The following TMEM132D variants were observed in gnomAD, a reference collection of about 807,000 sequenced individuals.
TMEM132D encodes the protein transmembrane protein 132D.
In TMEM132D, 21 loss-of-function variants were observed where a neutral mutation model predicts 62.3. The ratio of observed to expected loss-of-function variants is 0.34; its 90% CI spans 0.24 to 0.49. The LOEUF is 0.49. Ranked by LOEUF, TMEM132D falls within the 20% of genes least tolerant of loss-of-function variation. The probability of loss-of-function intolerance (pLI) is 0.99; values close to 1 mark genes in which losing one functional copy is unlikely to be tolerated. For missense variants in TMEM132D, 1,346 were observed against 1,402.8 expected, an observed-to-expected ratio of 0.96 and a Z score of 0.65; for synonymous variants, 621 against 575.6, an observed-to-expected ratio of 1.08 and a Z score of -1.13.
At chr12:129,454,979 G>A (rs1050899901) in intron 3 of TMEM132D, among the ~76,000 whole-genome samples, 12 of 152,142 alleles carry the variant, frequency 7.9e-5, no homozygotes, top group African/African-American at 2.9e-4. Context: ...GCTTAAAAAG[G>A]GTCCAAATCA....
At chr12:129,771,249 C>T (rs368180659) in intron 1 of TMEM132D, among the ~76,000 whole-genome samples, 1 of 152,212 alleles carries the variant, frequency 6.6e-6, no homozygotes, top group East Asian at 1.9e-4. Context: ...GGCAGTGGTT[C>T]CATTCCTGGC....
chr12:129,644,814 TA>T (rs1383352813), intron 2 of TMEM132D, among the ~76,000 whole-genome samples: 3 of 117,022 alleles, frequency 2.6e-5, no homozygotes, highest in African/African-American at 9.4e-5. Context: ...CCATCTCTAC[TA>T]AAAATACAAA....
intron 2 of TMEM132D, among the ~76,000 whole-genome samples, chr12:129,548,604 C>T (rs113471979): frequency 2.6e-5 from 4 of 152,286 alleles, no homozygotes; most frequent in African/African-American, 9.6e-5. Flanking sequence ...TGCTGTAGAA[C>T]CAGCTATCCA....
intron 3 of TMEM132D, among the ~76,000 whole-genome samples, chr12:129,449,806 C>G (rs189980911): frequency 1.8e-4 from 27 of 152,284 alleles, no homozygotes; most frequent in African/African-American, 6.0e-4. Context: ...ACAGCAACCC[C>G]GACTCCCCAG....
chr12:129,266,592 T>C (rs913142591), intron 4 of TMEM132D, among the ~76,000 whole-genome samples: 23 of 146,082 alleles, frequency 1.6e-4, no homozygotes, highest in Non-Finnish European at 3.0e-4. Context: ...TTCCCCTTTT[T>C]CCCCTCCCCT....
At chr12:129,361,377 G>C (rs1454488636) in intron 3 of TMEM132D, among the ~76,000 whole-genome samples, 1 of 152,166 alleles carries the variant, frequency 6.6e-6, no homozygotes, top group African/African-American at 2.4e-5. Context: ...ATTTGCAAGG[G>C]AGCAGACACC....
At chr12:129,162,761 T>C (rs1436433026) in intron 5 of TMEM132D, among the ~76,000 whole-genome samples, 1 of 152,222 alleles carries the variant, frequency 6.6e-6, no homozygotes, top group South Asian at 2.1e-4. Flanking sequence ...TGAGGCCTTC[T>C]TAGAAGCAGA....
chr12:129,323,793 T>A (rs1868801697), intron 4 of TMEM132D, among the ~76,000 whole-genome samples: 1 of 152,206 alleles, frequency 6.6e-6, no homozygotes. Flanking sequence ...GCAGGAGTCA[T>A]CTCTTCCCTG....
At chr12:129,215,200 A>G (rs1879167467) in intron 4 of TMEM132D, among the ~76,000 whole-genome samples, 1 of 152,218 alleles carries the variant, frequency 6.6e-6, no homozygotes, top group Non-Finnish European at 1.5e-5. Flanking sequence ...TTGGCAAACT[A>G]ACACAGAAAC....
chr12:129,841,245 G>A (rs904044736), intron 1 of TMEM132D, among the ~76,000 whole-genome samples: 1 of 151,636 alleles, frequency 6.6e-6, no homozygotes, highest in Non-Finnish European at 1.5e-5. Flanking sequence ...CCCTTGGAGA[G>A]CATCAAATCT....
chr12:129,836,643 A>G (rs969836874), intron 1 of TMEM132D, among the ~76,000 whole-genome samples: 3 of 152,156 alleles, frequency 2.0e-5, no homozygotes, highest in Non-Finnish European at 4.4e-5. Flanking sequence ...TTCTATAACA[A>G]CATAATGGCA....
intron 1 of TMEM132D, among the ~76,000 whole-genome samples, chr12:129,792,337 C>T (rs1457708167): frequency 1.3e-5 from 2 of 152,154 alleles, no homozygotes; most frequent in Admixed American, 6.5e-5. Flanking sequence ...TTCATCTCTA[C>T]GGGCCTTAGC....
chr12:129,352,767 G>C (rs961079927), intron 3 of TMEM132D, among the ~76,000 whole-genome samples: 1 of 152,144 alleles, frequency 6.6e-6, no homozygotes, highest in Non-Finnish European at 1.5e-5. Flanking sequence ...AACAATAGAT[G>C]TTGGCGAGGC....
intron 2 of TMEM132D, 112 bp from the exon 3 acceptor site, chr12:129,531,317 C>G: frequency 7.8e-7 from 1 of 1,277,756 alleles, no homozygotes; most frequent in South Asian, 1.9e-5. Flanking sequence ...CAGGTGTAAG[C>G]TCATGTATAC....
chr12:129,784,902 A>G (rs1000268592), intron 1 of TMEM132D, among the ~76,000 whole-genome samples: 1 of 152,178 alleles, frequency 6.6e-6, no homozygotes, highest in Admixed American at 6.5e-5. Context: ...GGGATGGACC[A>G]CAGCTTTCTG....
chr12:129,213,189 G>T (rs577544911), intron 4 of TMEM132D, among the ~76,000 whole-genome samples: 3 of 152,270 alleles, frequency 2.0e-5, no homozygotes, highest in Middle Eastern at 3.4e-3. Flanking sequence ...TAGTTCATTT[G>T]TATTGCTATA....
intron 5 of TMEM132D, among the ~76,000 whole-genome samples, chr12:129,153,099 G>A (rs1204077635): frequency 6.6e-6 from 1 of 152,016 alleles, no homozygotes; most frequent in Non-Finnish European, 1.5e-5. Context: ...TCCCCTCTTT[G>A]TCCTTCCAGC....
At position 129,531,144 on chromosome 12, in the gene TMEM132D, C is replaced by A. The variant is rs777663702; in HGVS notation, c.1030G>T (p.Asp344Tyr). 6.2e-7 allele frequency: 1 copy of A among 1,613,992 alleles called. No homozygotes were observed. Among genetic ancestry groups the A allele is most frequent in the Non-Finnish European group, 8.5e-7 (1 of 1,179,942 alleles). Residue 344 changes from aspartate to tyrosine, a missense_variant, in exon 3 of 9, where the codon GAT becomes TAT. Coordinates refer to ENST00000422113, the MANE Select transcript of TMEM132D (RefSeq NM_133448.3). ...GTATAATCCGTGCGCTCCTTGACAT[C>A]CCAAATGGAAGGGCTGCTGGCTCGC... ...GVRASSPSIW[D>Y]VKERTDYTGK...
chr12:129,624,801 C>T (rs1879168270), intron 2 of TMEM132D, among the ~76,000 whole-genome samples: 1 of 152,156 alleles, frequency 6.6e-6, no homozygotes, highest in Non-Finnish European at 1.5e-5. Flanking sequence ...GCAGGCCAGC[C>T]TCTCAGGCAC....
Sources: allele counts gnomAD v4.1 joint callset (sites outside exome capture counted in the v4.1 genomes callset), GRCh38; gene constraint gnomAD v4.1.1; transcripts MANE v1.5; gene names NCBI Gene and HGNC (gene_info 2026-07-23, HGNC 2026-07-21).